FAM118B: variants seen among roughly 807,000 people sequenced by gnomAD.
FAM118B encodes protein FAM118B.
Under a neutral mutation model 38.5 loss-of-function variants are expected in FAM118B, and 24 were observed. That is an observed-to-expected ratio of 0.62 (90% confidence interval 0.45 to 0.88). The LOEUF (loss-of-function observed/expected upper bound fraction) is 0.88. Among genes scored for constraint, FAM118B ranks in the 40% least tolerant of loss-of-function variants. The pLI, the probability that FAM118B is intolerant of heterozygous loss-of-function variation, is 0.00. For synonymous variants in FAM118B, 138 were observed against 156.3 expected, an observed-to-expected ratio of 0.88 and a Z score of 0.87; for missense variants, 334 against 420.0, an observed-to-expected ratio of 0.80 and a Z score of 1.79.
intron 1 of FAM118B, among the ~76,000 whole-genome samples, chr11:126,227,058 CTTTTTTTTTT>C (rs575065140): frequency 3.1e-5 from 3 of 97,164 alleles, no homozygotes; most frequent in South Asian, 3.7e-4. Flanking sequence ...ATACAAGCTT[CTTTTTTTTTT>C]TTTTTTTTTT....
chr11:126,227,087 G>C (rs1330413649), intron 1 of FAM118B, among the ~76,000 whole-genome samples: 2 of 103,884 alleles, frequency 1.9e-5, no homozygotes, highest in Admixed American at 1.4e-4. Flanking sequence ...TTTTGAGACT[G>C]AGTCTGGTTC....
At position 126,241,026 on chromosome 11, in the gene FAM118B, T is replaced by C. The variant is rs1950350022; in HGVS notation, c.321T>C (p.Leu107=). Reference sequence around the variant, plus strand: ...ACCTGGTCCATGTTGCCCATGACCTTATCCAGAAACTCTCTCCTGTGAGTA... The same window carrying C: ...ACCTGGTCCATGTTGCCCATGACCTCATCCAGAAACTCTCTCCTGTGAGTA... ...DKNLVHVAHD[L]IQKLSPRTSN... The change falls in exon 4 of 9, where the codon CTT becomes CTC. Residue 107 remains leucine (L), a synonymous_variant. Transcript: ENST00000533050. The C allele has an allele frequency of 6.2e-7, 1 of 1,601,384 alleles. No homozygotes were observed. Among genetic ancestry groups the C allele is most frequent in the African/African-American group, 1.3e-5 (1 of 74,264 alleles).
intron 4 of FAM118B, among the ~76,000 whole-genome samples, chr11:126,246,947 G>GA (rs1198648657): frequency 6.6e-6 from 1 of 151,994 alleles, no homozygotes; most frequent in African/African-American, 2.4e-5. Context: ...TGCTTTAAGA[G>GA]AAAAAAACTT....
intron 4 of FAM118B, among the ~76,000 whole-genome samples, chr11:126,247,869 AT>A: frequency 8.5e-6 from 1 of 117,214 alleles, no homozygotes; most frequent in Non-Finnish European, 1.9e-5. Context: ...AAAAAAAAAT[AT>A]ATATATATAT....
At chr11:126,235,180 A>G (rs548566700) in intron 3 of FAM118B, 93 bp downstream of exon 3, 1 of 1,017,202 alleles carries the variant, frequency 9.8e-7, no homozygotes, top group Admixed American at 2.2e-5. Flanking sequence ...AGTTGTTTTC[A>G]CTAATTAGTA....
At position 126,247,667 on chromosome 11, in the gene FAM118B, A is replaced by G. The variant is rs61898851; in HGVS notation, c.340-2839A>G. Among the ~76,000 whole-genome samples the G allele has an allele frequency of 7.5e-3, 1,139 of 152,008 alleles. 12 individuals carry two copies. Among genetic ancestry groups the G allele is most frequent in the South Asian group, 0.041 (195 of 4,814 alleles). On this transcript the variant is annotated intron_variant, in intron 4 of 8. Transcript: ENST00000533050. ...AAGGTCAGAAGTTCAAGACCAGCCTAGCCAACATGGTGAAACCCATCTCTA... is the reference window on the plus strand; with the variant it reads ...AAGGTCAGAAGTTCAAGACCAGCCTGGCCAACATGGTGAAACCCATCTCTA...
In FAM118B at chr11:126,255,784, C is replaced by T. The variant is rs993692467; in HGVS notation, c.697-783C>T. ...CCTGGCCAACATGGTGAAACCCTGT[C>T]TCTACTAAAAATAGGAAAATTAGCT... On this transcript the variant is annotated intron_variant, in intron 6 of 8. Transcript: ENST00000533050. The surrounding 1 kb of genome is among the most constrained non-coding windows in gnomAD (Gnocchi z 4.6). Among the ~76,000 whole-genome samples the T allele has an allele frequency of 2.0e-5, 3 of 151,792 alleles. No homozygotes were observed. Among genetic ancestry groups the T allele is most frequent in the African/African-American group, 7.3e-5 (3 of 41,304 alleles).
intron 2 of FAM118B, among the ~76,000 whole-genome samples, chr11:126,229,563 C>T (rs1279191734): frequency 6.6e-6 from 1 of 152,178 alleles, no homozygotes; most frequent in Non-Finnish European, 1.5e-5. Flanking sequence ...CTGCCTCAGC[C>T]TCCCGAGTAG....
intron 1 of FAM118B, 74 bp downstream of exon 1, chr11:126,211,904 C>T (rs1003829464): frequency 4.0e-6 from 2 of 494,612 alleles, no homozygotes; most frequent in Non-Finnish European, 7.2e-6. Context: ...TCTGCGTCCC[C>T]GGGATTTCCG....
At chr11:126,218,563 C>T (rs1950013916) in intron 1 of FAM118B, among the ~76,000 whole-genome samples, 1 of 152,176 alleles carries the variant, frequency 6.6e-6, no homozygotes, top group Non-Finnish European at 1.5e-5. Flanking sequence ...ATTCCAGCCT[C>T]TGAAACAGTG....
intron 3 of FAM118B, among the ~76,000 whole-genome samples, chr11:126,239,355 G>GTCC (rs1950325192): frequency 6.6e-6 from 1 of 152,122 alleles, no homozygotes; most frequent in South Asian, 2.1e-4. Flanking sequence ...AAAGTAAAAA[G>GTCC]TCCTTATTCT....
chr11:126,246,870 T>G (rs1950425302), intron 4 of FAM118B, among the ~76,000 whole-genome samples: 1 of 152,182 alleles, frequency 6.6e-6, no homozygotes, highest in Non-Finnish European at 1.5e-5. Flanking sequence ...GCCTCCCTGT[T>G]TATGTTTTCA....
At chr11:126,227,687 A>G (rs539864371) in intron 1 of FAM118B, among the ~76,000 whole-genome samples, 9 of 152,282 alleles carry the variant, frequency 5.9e-5, no homozygotes, top group Admixed American at 3.9e-4. Context: ...CCATGCTCAC[A>G]ATGTGGGGAC....
intron 3 of FAM118B, among the ~76,000 whole-genome samples, chr11:126,239,315 A>T (rs909410890): frequency 6.6e-6 from 1 of 152,086 alleles, no homozygotes; most frequent in Non-Finnish European, 1.5e-5. Flanking sequence ...TATGTTATAT[A>T]AAAAAATACA....
intron 1 of FAM118B, among the ~76,000 whole-genome samples, chr11:126,222,902 A>T (rs1263254962): frequency 6.6e-6 from 1 of 152,184 alleles, no homozygotes; most frequent in African/African-American, 2.4e-5. Context: ...TTCTTGTGGG[A>T]GAGGCCAATA....
intron 1 of FAM118B, among the ~76,000 whole-genome samples, chr11:126,215,066 TG>T (rs1949961145): frequency 6.6e-6 from 1 of 152,204 alleles, no homozygotes; most frequent in Non-Finnish European, 1.5e-5. Flanking sequence ...CAGGAACTCT[TG>T]GGAGGTGCCC....
At chr11:126,215,056 C>G (rs1949960994) in intron 1 of FAM118B, among the ~76,000 whole-genome samples, 1 of 152,170 alleles carries the variant, frequency 6.6e-6, no homozygotes, top group South Asian at 2.1e-4. Flanking sequence ...AGGCAATTAG[C>G]AGGAACTCTT....
intron 2 of FAM118B, among the ~76,000 whole-genome samples, chr11:126,229,524 C>G (rs971615891): frequency 6.6e-6 from 1 of 152,148 alleles, no homozygotes; most frequent in African/African-American, 2.4e-5. Flanking sequence ...CTACCTGCAA[C>G]CTCTGCCTCC....
chr11:126,214,739 G>T (rs374551309), intron 1 of FAM118B, among the ~76,000 whole-genome samples: 1 of 151,804 alleles, frequency 6.6e-6, no homozygotes, highest in East Asian at 1.9e-4. Flanking sequence ...CATTGATTTT[G>T]ATATATCATA....
Sources: allele counts gnomAD v4.1 joint callset (sites outside exome capture counted in the v4.1 genomes callset), GRCh38; gene constraint gnomAD v4.1.1; non-coding constraint Gnocchi (gnomAD v3.1); transcripts MANE v1.5; gene names NCBI Gene and HGNC (gene_info 2026-07-23, HGNC 2026-07-21).